MKLN1: variants seen among roughly 807,000 people sequenced by gnomAD.
MKLN1 encodes muskelin.
MKLN1 carries 18 observed loss-of-function variants against 99.0 expected under a neutral mutation model. The ratio of observed to expected loss-of-function variants is 0.18; its 90% CI spans 0.13 to 0.27. MKLN1 has a LOEUF of 0.27. Among genes scored for constraint, MKLN1 ranks in the 10% least tolerant of loss-of-function variants. The pLI is 1.00. For synonymous variants in MKLN1, 288 were observed against 293.2 expected (o/e 0.98, Z 0.18); for missense variants, 621 against 875.9 (o/e 0.71, Z 3.67).
At chr7:131,462,368 G>A (rs1796541019) in intron 12 of MKLN1, among the ~76,000 whole-genome samples, 1 of 152,122 alleles carries the variant, frequency 6.6e-6, no homozygotes, top group South Asian at 2.1e-4. Flanking sequence ...TATTATATGT[G>A]ATGAACAGAT....
At chr7:131,385,379 C>G (rs1396670640) in intron 2 of MKLN1, among the ~76,000 whole-genome samples, 2 of 150,628 alleles carry the variant, frequency 1.3e-5, no homozygotes, top group Non-Finnish European at 2.9e-5. Context: ...GGGTTTATAC[C>G]TAGGAGTGGA....
At chr7:131,303,751 A>G (rs1402215381) in intron 3 of MKLN1, among the ~76,000 whole-genome samples, 1 of 152,184 alleles carries the variant, frequency 6.6e-6, no homozygotes, top group African/African-American at 2.4e-5. Context: ...TATGAAAATT[A>G]ATTGAGATAA....
Position 131,327,915 on chromosome 7 carries a change from G to C in MKLN1, c.16G>C (p.Ala6Pro). Residue 6 changes from alanine (A) to proline (P), a missense_variant, in exon 1 of 18, where the codon GCT becomes CCT. Ala to Pro is a conservative substitution (Grantham distance 27). This residue lies in a region of MKLN1 where 58 missense variants were observed against 40.0 expected (regional missense o/e 1.45). Transcript: ENST00000352689. Reference sequence around the variant, plus strand: ...TGCTGACAAGATGGCGGCTGGCGGAGCTGTCGCTGCGGCGCCCGAGTGCCG... The same window carrying C: ...TGCTGACAAGATGGCGGCTGGCGGACCTGTCGCTGCGGCGCCCGAGTGCCG... MAAGG[A>P]VAAAPECRLL... The C allele has an allele frequency of 6.2e-7, 1 of 1,612,624 alleles. No homozygotes were observed.
At chr7:131,336,886 T>C (rs1037200743) in intron 1 of MKLN1, among the ~76,000 whole-genome samples, 1 of 152,194 alleles carries the variant, frequency 6.6e-6, no homozygotes, top group African/African-American at 2.4e-5. Flanking sequence ...TTCCTCTGTC[T>C]GAAGAACTCC....
chr7:131,436,365 A>C (rs1157473041), intron 9 of MKLN1, among the ~76,000 whole-genome samples: 1 of 152,300 alleles, frequency 6.6e-6, no homozygotes, highest in Middle Eastern at 3.4e-3. Context: ...GTCATTCATC[A>C]GGCTTTCTGT....
intron 3 of MKLN1, among the ~76,000 whole-genome samples, chr7:131,252,617 C>T (rs187832397): frequency 7.9e-5 from 12 of 152,054 alleles, no homozygotes; most frequent in Admixed American, 2.6e-4. Flanking sequence ...TGTGAGCCAC[C>T]GCACCCAGGC....
Position 131,192,086 on chromosome 7 carries a change from T to TA in MKLN1, c.-296-10771_-296-10770insA, listed in dbSNP as rs1171192469. Reference sequence around the variant, plus strand: ...TATATATTATATATATACATATATATTATATATATATGTATATATATATTA... The same window carrying TA: ...TATATATTATATATATACATATATATATATATATATATGTATATATATATTA... On this transcript the variant is annotated intron_variant, in intron 2 of 7. Coordinates refer to the MKLN1 transcript ENST00000416992. 9.9e-3 allele frequency among the ~76,000 whole-genome samples: 804 copies of TA among 81,316 alleles called. 81 individuals are homozygous for TA. The highest frequency in any genetic ancestry group is 0.029 in the African/African-American group (618 of 21,078). The allele number at this position is 81,316 out of a possible 152,430, so 53.3% of individuals were successfully genotyped here.
At chr7:131,418,134 C>T (rs190310788) in intron 8 of MKLN1, among the ~76,000 whole-genome samples, 76 of 152,092 alleles carry the variant, frequency 5.0e-4, no homozygotes, top group Admixed American at 2.3e-3. Context: ...TTTGGGAGAC[C>T]GAGGTGGGTG....
chr7:131,456,650 C>T (rs1047345673), intron 12 of MKLN1, among the ~76,000 whole-genome samples: 2 of 152,112 alleles, frequency 1.3e-5, no homozygotes, highest in Non-Finnish European at 2.9e-5. Context: ...TCCCTTTGTC[C>T]AGGGAGACTG....
At chr7:131,287,164 T>C (rs1798144240) in intron 3 of MKLN1, among the ~76,000 whole-genome samples, 1 of 152,210 alleles carries the variant, frequency 6.6e-6, no homozygotes, top group Non-Finnish European at 1.5e-5. Context: ...AATGTCCAGC[T>C]AAAGTGATCA....
intron 11 of MKLN1, among the ~76,000 whole-genome samples, chr7:131,444,992 GT>G (rs965843623): frequency 6.6e-6 from 1 of 151,920 alleles, no homozygotes; most frequent in Non-Finnish European, 1.5e-5. Context: ...CATAACATTA[GT>G]TGCTTTGTCT....
rs560219637 is a variant in MKLN1 at position 131,315,373 on chromosome 7, G to C, written c.-178-60051G>C. Among the ~76,000 whole-genome samples the C allele has an allele frequency of 3.9e-5, 6 of 152,266 alleles. No homozygotes were observed. The East Asian group carries it at 1.2e-3, about 29-fold the overall frequency. On this transcript the variant is annotated intron_variant, in intron 3 of 7. Coordinates refer to the MKLN1 transcript ENST00000416992. ...CGTGAGGGACTGTGCTACCCAGCCT[G>C]GATACTATGCTTTTCCCACGGTATT... is the stretch of plus-strand genomic sequence containing the variant.
intron 9 of MKLN1, among the ~76,000 whole-genome samples, chr7:131,433,485 A>T (rs1265897663): frequency 6.6e-6 from 1 of 151,714 alleles, no homozygotes; most frequent in African/African-American, 2.4e-5. Flanking sequence ...ATATGCCATT[A>T]CTCATCAAAC....
rs531575864 is a variant in MKLN1, at chr7:131,187,771, G to A, written c.-296-15086G>A. On this transcript the variant is annotated intron_variant, in intron 2 of 7. Coordinates refer to the MKLN1 transcript ENST00000416992. ...TTGAGGCCACTCTGACTGACATGGC[G>A]AAACCCCGTCTCTACTAAAGGTACA... Among the ~76,000 whole-genome samples the A allele has an allele frequency of 3.0e-4, 45 of 152,160 alleles. 1 individual carries two copies. Among genetic ancestry groups the A allele is most frequent in the Admixed American group, 3.3e-4 (5 of 15,282 alleles).
intron 1 of MKLN1, among the ~76,000 whole-genome samples, chr7:131,362,013 C>T (rs567397898): frequency 1.3e-5 from 2 of 152,072 alleles, no homozygotes; most frequent in Admixed American, 6.6e-5. Flanking sequence ...GCTCAAGGAA[C>T]GCTTTGTTAA....
intron 1 of MKLN1, among the ~76,000 whole-genome samples, chr7:131,116,979 T>C (rs1563220260): frequency 6.6e-6 from 1 of 152,070 alleles, no homozygotes; most frequent in Non-Finnish European, 1.5e-5. Flanking sequence ...GTACAAAGCC[T>C]TTACCCTGGC....
rs562272676 is a variant in MKLN1, at chr7:131,396,159, A to G, written c.401-1108A>G. Among the ~76,000 whole-genome samples, 11 of 152,058 alleles carry G rather than the reference A, an allele frequency of 7.2e-5. 3 individuals are homozygous for G. The highest frequency in any genetic ancestry group is 6.2e-4 in the South Asian group (3 of 4,804). ...GTCATGGCAGCTCACTGCAACCTCC[A>G]CCTCCTGGGTTCAAGTGATTCTCTT... On this transcript the variant is annotated intron_variant, in intron 4 of 17. Coordinates refer to ENST00000352689, the MANE Select transcript of MKLN1 (RefSeq NM_013255.5).
At chr7:131,151,618 A>T (rs1319932525) in intron 2 of MKLN1, among the ~76,000 whole-genome samples, 1 of 152,252 alleles carries the variant, frequency 6.6e-6, no homozygotes, top group East Asian at 1.9e-4. Context: ...AGTACTGGAC[A>T]AAGTTATTTT....
At chr7:131,409,916 A>G (rs972491889) in intron 6 of MKLN1, among the ~76,000 whole-genome samples, 1 of 152,162 alleles carries the variant, frequency 6.6e-6, no homozygotes, top group African/African-American at 2.4e-5. Flanking sequence ...TACTTCGACA[A>G]ATTTGCTTTA....
Sources: allele counts gnomAD v4.1 joint callset (sites outside exome capture counted in the v4.1 genomes callset), GRCh38; gene constraint gnomAD v4.1.1; regional missense constraint gnomAD v4.1.1; transcripts MANE v1.5; gene names NCBI Gene and HGNC (gene_info 2026-07-23, HGNC 2026-07-21).